The following NXPH2 variants were observed in gnomAD, a reference collection of about 807,000 sequenced individuals.
NXPH2 encodes neurexophilin-2.
A neutral mutation model predicts 19.8 loss-of-function variants in NXPH2; 5 were observed. The observed-to-expected ratio is 0.25, with a 90% CI of 0.13 to 0.53. NXPH2 has a LOEUF of 0.53. Ranked by LOEUF, NXPH2 falls within the 20% of genes least tolerant of loss-of-function variation. NXPH2 has a pLI of 0.96. For synonymous variants in NXPH2, 154 were observed against 127.4 expected, an observed-to-expected ratio of 1.21 and a Z score of -1.41; for missense variants, 289 against 322.8, an observed-to-expected ratio of 0.90 and a Z score of 0.80.
In NXPH2 at chr2:138,670,282, C is replaced by G. The variant is rs1467557340; in HGVS notation, c.*640G>C. Among the ~76,000 whole-genome samples, 5 of 152,146 alleles carry G rather than the reference C, an allele frequency of 3.3e-5. No homozygotes were observed. In the East Asian group the frequency reaches 9.6e-4, roughly 29 times the overall value. ...TCAGGGGGAATCATAAGAATGGTGACCAACACAGGGCTAAGTGCTCAAATC... is the reference window on the plus strand; with the variant it reads ...TCAGGGGGAATCATAAGAATGGTGAGCAACACAGGGCTAAGTGCTCAAATC... On this transcript the variant is annotated 3_prime_UTR_variant, in exon 2 of 2. Transcript: ENST00000272641.
At chr2:138,710,454 A>C (rs1396888322) in intron 1 of NXPH2, among the ~76,000 whole-genome samples, 2 of 152,074 alleles carry the variant, frequency 1.3e-5, no homozygotes, top group Non-Finnish European at 2.9e-5. Flanking sequence ...TTATATGGTA[A>C]TTCTATGTTT....
intron 1 of NXPH2, among the ~76,000 whole-genome samples, chr2:138,751,389 C>T (rs983651001): frequency 6.6e-6 from 1 of 152,138 alleles, no homozygotes; most frequent in African/African-American, 2.4e-5. Flanking sequence ...TTCCAAAATA[C>T]ATGAACTACA....
intron 1 of NXPH2, among the ~76,000 whole-genome samples, chr2:138,687,902 C>T (rs1266296610): frequency 6.6e-6 from 1 of 152,150 alleles, no homozygotes. Flanking sequence ...GTCTATATCT[C>T]TGTTTTGGTA....
intron 1 of NXPH2, among the ~76,000 whole-genome samples, chr2:138,751,523 T>G (rs913333608): frequency 6.6e-6 from 1 of 152,202 alleles, no homozygotes; most frequent in African/African-American, 2.4e-5. Context: ...GCTGTGAAAC[T>G]ATTGTGAACA....
At position 138,731,754 on chromosome 2, in the gene NXPH2, T is replaced by C. The variant is rs145915598; in HGVS notation, c.51+48437A>G. ...CCAAGGACCCAAGATCAGCATTCAT[T>C]TATATAGCAAGTAGGGCCATTGGAC... On this transcript the variant is annotated intron_variant, in intron 1 of 1. Coordinates refer to ENST00000272641, the MANE Select transcript of NXPH2 (RefSeq NM_007226.3). Among the ~76,000 whole-genome samples the C allele has an allele frequency of 2.6e-3, 389 of 151,972 alleles. 1 individual carries two copies. The highest frequency in any genetic ancestry group is 9.0e-3 in the African/African-American group (372 of 41,422).
intron 1 of NXPH2, among the ~76,000 whole-genome samples, chr2:138,730,170 A>T (rs958320977): frequency 1.3e-5 from 2 of 150,642 alleles, no homozygotes; most frequent in African/African-American, 4.9e-5. Context: ...TGACTTTTTA[A>T]CCTAAAGTTC....
intron 1 of NXPH2, among the ~76,000 whole-genome samples, chr2:138,683,749 T>A (rs1680610501): frequency 6.6e-6 from 1 of 152,234 alleles, no homozygotes; most frequent in South Asian, 2.1e-4. Flanking sequence ...CACTTTTTGC[T>A]GTTGTTGTGT....
At chr2:138,676,227 T>C (rs1680482878) in intron 1 of NXPH2, among the ~76,000 whole-genome samples, 1 of 152,156 alleles carries the variant, frequency 6.6e-6, no homozygotes, top group Admixed American at 6.6e-5. Context: ...GGCAAATATA[T>C]TTCTCTATGT....
chr2:138,746,606 G>A lies in NXPH2; in HGVS notation c.51+33585C>T, dbSNP rs945702638. Among the ~76,000 whole-genome samples, 35 of 152,286 alleles carry A rather than the reference G, an allele frequency of 2.3e-4. No individual in the cohort carries two copies. The East Asian group carries it at 6.6e-3, about 29-fold the overall frequency. Reference sequence around the variant, plus strand: ...GATGAGGACATTGTCAGTCCTCCAGGAAGCTAATATTTCTTGTAAATGAAA... The same window carrying A: ...GATGAGGACATTGTCAGTCCTCCAGAAAGCTAATATTTCTTGTAAATGAAA... On this transcript the variant is annotated intron_variant, in intron 1 of 1. Transcript: ENST00000272641.
intron 1 of NXPH2, among the ~76,000 whole-genome samples, chr2:138,722,301 G>C (rs956668955): frequency 6.6e-5 from 10 of 152,228 alleles, no homozygotes; most frequent in African/African-American, 2.4e-4. Flanking sequence ...AATAAGCTTT[G>C]AACACATTTT....
At chr2:138,763,812 G>A (rs987564396) in intron 1 of NXPH2, among the ~76,000 whole-genome samples, 2 of 152,184 alleles carry the variant, frequency 1.3e-5, no homozygotes, top group Non-Finnish European at 2.9e-5. Context: ...GGATTAGATG[G>A]AATATGCCAC....
intron 1 of NXPH2, among the ~76,000 whole-genome samples, chr2:138,682,390 T>A (rs1432631070): frequency 6.6e-6 from 1 of 151,914 alleles, no homozygotes; most frequent in Non-Finnish European, 1.5e-5. Context: ...TGCCCTAGAG[T>A]CATATTTCTG....
Position 138,772,809 on chromosome 2 carries a change from C to T in NXPH2, c.51+7382G>A, listed in dbSNP as rs529306044. Among the ~76,000 whole-genome samples, 3 of 152,296 alleles carry T rather than the reference C, an allele frequency of 2.0e-5. No individual in the cohort carries two copies. In the East Asian group the frequency reaches 5.8e-4, roughly 29 times the overall value. ...GTGATGAGTACCTAGAAAGACAGCACTCATCATCAAAGTGGATGATTCGAA... is the reference window on the plus strand; with the variant it reads ...GTGATGAGTACCTAGAAAGACAGCATTCATCATCAAAGTGGATGATTCGAA... On this transcript the variant is annotated intron_variant, in intron 1 of 1. Transcript: ENST00000272641.
chr2:138,757,970 C>T (rs1681942816), intron 1 of NXPH2, among the ~76,000 whole-genome samples: 1 of 152,010 alleles, frequency 6.6e-6, no homozygotes, highest in East Asian at 1.9e-4. Context: ...GCATGAAAAG[C>T]ATTGTTAAGA....
intron 1 of NXPH2, among the ~76,000 whole-genome samples, chr2:138,755,258 C>T (rs986018996): frequency 3.3e-5 from 5 of 151,934 alleles, no homozygotes; most frequent in African/African-American, 1.2e-4. Flanking sequence ...CCCAAGGTCA[C>T]ATAGATTTTC....
In NXPH2 at chr2:138,746,827, G is replaced by C. The variant is rs1041398228; in HGVS notation, c.51+33364C>G. 5.3e-5 allele frequency among the ~76,000 whole-genome samples: 8 copies of C among 152,200 alleles called. No homozygotes were observed. The South Asian group carries it at 1.2e-3, about 24-fold the overall frequency. On this transcript the variant is annotated intron_variant, in intron 1 of 1. Transcript: ENST00000272641. ...GAAGTTCCCACTGCCACCACATACT[G>C]CCTTTCATTTTCTTTTTCTCAAAGA...
At chr2:138,774,496 A>T (rs1020863152) in intron 1 of NXPH2, among the ~76,000 whole-genome samples, 1 of 152,244 alleles carries the variant, frequency 6.6e-6, no homozygotes, top group Non-Finnish European at 1.5e-5. Context: ...CAGTAACTAA[A>T]GATGTAAATC....
intron 1 of NXPH2, among the ~76,000 whole-genome samples, chr2:138,762,865 C>T (rs892239473): frequency 3.3e-5 from 5 of 152,180 alleles, no homozygotes; most frequent in African/African-American, 1.2e-4. Flanking sequence ...GGAGCTATTC[C>T]ATACAGACCA....
At chr2:138,716,761 A>T (rs934161696) in intron 1 of NXPH2, among the ~76,000 whole-genome samples, 3 of 152,198 alleles carry the variant, frequency 2.0e-5, no homozygotes, top group African/African-American at 7.2e-5. Flanking sequence ...AGTGGAAAAA[A>T]TACTGGGTTT....
Sources: allele counts gnomAD v4.1 joint callset (sites outside exome capture counted in the v4.1 genomes callset), GRCh38; gene constraint gnomAD v4.1.1; transcripts MANE v1.5; gene names NCBI Gene and HGNC (gene_info 2026-07-23, HGNC 2026-07-21).